SEL1L2: variants seen among roughly 807,000 people sequenced by gnomAD.
SEL1L2 encodes SEL1L2 adaptor subunit of SYVN1 ubiquitin ligase, also known as protein sel-1 homolog 2.
A neutral mutation model predicts 98.8 loss-of-function variants in SEL1L2; 89 were observed. That is an observed-to-expected ratio of 0.90 (90% CI 0.76 to 1.07). The LOEUF is 1.07. SEL1L2 is among the 50% of genes least tolerant of loss of function. The probability of loss-of-function intolerance (pLI) is 0.00; values close to 1 mark genes in which losing one functional copy is unlikely to be tolerated. For synonymous variants in SEL1L2, 262 were observed against 278.5 expected (o/e 0.94, Z 0.59); for missense variants, 788 against 812.0 (o/e 0.97, Z 0.36).
At chr20:13,918,918 A>G in intron 4 of SEL1L2, 103 bp downstream of exon 4, 1 of 729,772 alleles carries the variant, frequency 1.4e-6, no homozygotes, top group South Asian at 1.8e-5. Context: ...AAATAGGCTT[A>G]CTCATTATCC....
chr20:13,897,060 C>G (rs1314449108), intron 5 of SEL1L2, among the ~76,000 whole-genome samples: 2 of 152,138 alleles, frequency 1.3e-5, no homozygotes, highest in African/African-American at 4.8e-5. Flanking sequence ...TAAAGACAGA[C>G]ATTTAGACCA....
intron 5 of SEL1L2, among the ~76,000 whole-genome samples, chr20:13,909,901 G>A (rs1600712849): frequency 6.6e-6 from 1 of 152,080 alleles, no homozygotes; most frequent in African/African-American, 2.4e-5. Context: ...AACCTGGGAG[G>A]TGGAGGTTGC....
chr20:13,958,104 CT>C (rs1569041419), intron 1 of SEL1L2, among the ~76,000 whole-genome samples: 1 of 152,094 alleles, frequency 6.6e-6, no homozygotes, highest in East Asian at 1.9e-4. Context: ...GCAATGTAGC[CT>C]CATGGTCTAC....
At chr20:13,886,986 G>T (rs1178847269) in intron 8 of SEL1L2, among the ~76,000 whole-genome samples, 24 of 152,038 alleles carry the variant, frequency 1.6e-4, no homozygotes, top group Admixed American at 1.6e-3. Context: ...CTCTACTGAA[G>T]ATCTTGACCA....
chr20:13,854,653 G>T (rs941425316), intron 18 of SEL1L2, among the ~76,000 whole-genome samples: 1 of 152,150 alleles, frequency 6.6e-6, no homozygotes, highest in African/African-American at 2.4e-5. Context: ...CAAGCACAGT[G>T]CTTCCTGATA....
chr20:13,923,453 T>C (rs1346457735), intron 3 of SEL1L2, among the ~76,000 whole-genome samples: 1 of 152,208 alleles, frequency 6.6e-6, no homozygotes, highest in Non-Finnish European at 1.5e-5. Context: ...TTATACAGTT[T>C]CCATTTTTTT....
At chr20:13,889,915 G>A (rs572083361) in intron 5 of SEL1L2, among the ~76,000 whole-genome samples, 6 of 152,210 alleles carry the variant, frequency 3.9e-5, no homozygotes, top group Non-Finnish European at 8.8e-5. Flanking sequence ...ATCAAAGGCT[G>A]AGCACAGAGC....
intron 5 of SEL1L2, among the ~76,000 whole-genome samples, chr20:13,907,258 A>AAAAAAACCAG (rs2047974479): frequency 6.6e-6 from 1 of 152,100 alleles, no homozygotes. Context: ...TTTAGAGGGA[A>AAAAAAACCAG]AAAAAACCAG....
chr20:13,861,756 G>A (rs181746298), intron 17 of SEL1L2, among the ~76,000 whole-genome samples: 2 of 151,954 alleles, frequency 1.3e-5, no homozygotes, highest in Non-Finnish European at 1.5e-5. Context: ...GACTCCTTAC[G>A]ACCTACAAGT....
chr20:13,936,931 T>A (rs1188108195), intron 2 of SEL1L2, among the ~76,000 whole-genome samples: 2 of 152,180 alleles, frequency 1.3e-5, no homozygotes, highest in Non-Finnish European at 2.9e-5. Flanking sequence ...AACCACTTTG[T>A]ACAAAATCTA....
At chr20:13,901,513 A>G (rs2047679827) in intron 5 of SEL1L2, among the ~76,000 whole-genome samples, 1 of 152,224 alleles carries the variant, frequency 6.6e-6, no homozygotes, top group African/African-American at 2.4e-5. Context: ...GCTATTAATT[A>G]GGAGACTTGT....
chr20:13,968,689 T>C (rs535328547), intron 1 of SEL1L2, among the ~76,000 whole-genome samples: 6 of 152,190 alleles, frequency 3.9e-5, no homozygotes, highest in Non-Finnish European at 2.9e-5. Context: ...ACAGAATAAA[T>C]GTAGAATAAC....
At chr20:13,963,391 C>A (rs2050871842) in intron 1 of SEL1L2, among the ~76,000 whole-genome samples, 3 of 48,168 alleles carry the variant, frequency 6.2e-5, no homozygotes, top group African/African-American at 2.6e-4. Flanking sequence ...TCTGGAGCAG[C>A]AAAAAAAAAA....
intron 1 of SEL1L2, among the ~76,000 whole-genome samples, chr20:13,957,909 G>A (rs921367765): frequency 1.3e-5 from 2 of 152,118 alleles, no homozygotes; most frequent in Non-Finnish European, 2.9e-5. Flanking sequence ...TGCCTGGTAA[G>A]CAAGGCATTA....
intron 14 of SEL1L2, among the ~76,000 whole-genome samples, chr20:13,867,246 C>T (rs1991192167): frequency 6.6e-6 from 1 of 152,144 alleles, no homozygotes; most frequent in Non-Finnish European, 1.5e-5. Context: ...TATAGCTTCT[C>T]CCAGCCATGA....
chr20:13,903,021 G>A lies in SEL1L2; in HGVS notation c.549+10761C>T, dbSNP rs535194756. ...TAGTCCCAGCTGCTTGGGAGGCTGA[G>A]ACAGGAGAGTCTCTTGAACCTGGGA... is the stretch of plus-strand genomic sequence containing the variant. On this transcript the variant is annotated intron_variant, in intron 5 of 19. Transcript: ENST00000284951. Among the ~76,000 whole-genome samples the A allele has an allele frequency of 4.7e-5, 7 of 149,248 alleles. No homozygotes were observed. In the South Asian group the frequency reaches 1.5e-3, roughly 32 times the overall value.
chr20:13,960,497 C>T (rs956755631), intron 1 of SEL1L2, among the ~76,000 whole-genome samples: 4 of 152,162 alleles, frequency 2.6e-5, no homozygotes, highest in African/African-American at 7.2e-5. Flanking sequence ...TTATTTCCAG[C>T]AGAAGATGTG....
At chr20:13,980,800 C>T (rs2051780320) in intron 1 of SEL1L2, among the ~76,000 whole-genome samples, 1 of 152,128 alleles carries the variant, frequency 6.6e-6, no homozygotes. Flanking sequence ...AAATATTATT[C>T]AGCCTTAGAA....
upstream of SEL1L2, among the ~76,000 whole-genome samples, chr20:13,992,219 G>A (rs1254049251): frequency 6.6e-6 from 1 of 152,182 alleles, no homozygotes; most frequent in South Asian, 2.1e-4. Context: ...AAGAGGCTAT[G>A]TGGGCTGGGT....
Sources: allele counts gnomAD v4.1 joint callset (sites outside exome capture counted in the v4.1 genomes callset), GRCh38; gene constraint gnomAD v4.1.1; transcripts MANE v1.5; gene names NCBI Gene and HGNC (gene_info 2026-07-23, HGNC 2026-07-21).